ESPN: variants seen among roughly 807,000 people sequenced by gnomAD.
The protein encoded by ESPN is espin, also known as autosomal recessive deafness type 36 protein.
ESPN carries 68 observed loss-of-function variants against 77.7 expected under a neutral mutation model. The observed-to-expected ratio is 0.87, with a 90% confidence interval of 0.72 to 1.07. The LOEUF (loss-of-function observed/expected upper bound fraction) is 1.07, where lower values mean the gene tolerates loss of function less well. Among genes scored for constraint, ESPN ranks in the 50% least tolerant of loss-of-function variants. The probability of loss-of-function intolerance (pLI) is 0.00; values close to 1 mark genes in which losing one functional copy is unlikely to be tolerated. For missense variants in ESPN, 1,060 were observed against 1,239.0 expected, an observed-to-expected ratio of 0.86 and a Z score of 2.17; for synonymous variants, 449 against 567.1, an observed-to-expected ratio of 0.79 and a Z score of 2.96.
At chr1:6,455,552 G>A (rs1175739060) in intron 10 of ESPN, 2 of 398,550 alleles carry the variant, frequency 5.0e-6, no homozygotes, top group Non-Finnish European at 8.9e-6. Context: ...CGGCAAGCCC[G>A]GGCCTGGCGC....
At chr1:6,441,332 A>G (rs1391161641) in intron 5 of ESPN, among the ~76,000 whole-genome samples, 24 of 152,232 alleles carry the variant, frequency 1.6e-4, no homozygotes, top group Admixed American at 1.6e-3. Context: ...CACTGGGAAT[A>G]GGCAGGCTCA....
Position 6,440,949 on chromosome 1 carries a change from G to T in ESPN, c.874G>T (p.Val292Leu). 1 of 1,589,672 alleles carries T rather than the reference G, an allele frequency of 6.3e-7. No homozygotes were observed. The highest frequency in any genetic ancestry group is 1.1e-5 in the South Asian group (1 of 87,872). The change falls in exon 5 of 13, where the codon GTA becomes TTA. Residue 292 changes from valine to leucine, a missense_variant. Around this residue, in one of 3 missense-constraint regions of ESPN, gnomAD observed 556 missense variants for 633.6 expected, o/e 0.88. Transcript: ENST00000645284. ...GCCCCCGCAGTGCTGCCAGATCCTGGTAGTGAACGGCGCGGAGCTGGACGT... is the reference window on the plus strand; with the variant it reads ...GCCCCCGCAGTGCTGCCAGATCCTGTTAGTGAACGGCGCGGAGCTGGACGT... ...NGELECCQILVVNGAELDVRD... is the reference protein window; with the variant it reads ...NGELECCQILLVNGAELDVRD...
At chr1:6,444,109 T>C (rs1381278122) in intron 5 of ESPN, among the ~76,000 whole-genome samples, 1 of 152,206 alleles carries the variant, frequency 6.6e-6, no homozygotes, top group Non-Finnish European at 1.5e-5. Flanking sequence ...TAACTAGGGA[T>C]GGGCCTGTGC....
At chr1:6,461,363 A>C, downstream of ESPN, 1 of 1,458,764 alleles carries the variant, frequency 6.9e-7, no homozygotes, top group Non-Finnish European at 9.1e-7. The surrounding 1 kb of genome is among the most constrained non-coding windows in gnomAD (Gnocchi z 6.3). Flanking sequence ...AAATGTCTAC[A>C]CGCATAAGTA....
At chr1:6,442,034 C>T (rs1175492179) in intron 5 of ESPN, among the ~76,000 whole-genome samples, 10 of 152,168 alleles carry the variant, frequency 6.6e-5, no homozygotes, top group Non-Finnish European at 1.0e-4. Flanking sequence ...GGTATATAAG[C>T]TGGGATGGAC....
At chr1:6,454,197 G>A (rs1215543082) in intron 10 of ESPN, among the ~76,000 whole-genome samples, 1 of 152,174 alleles carries the variant, frequency 6.6e-6, no homozygotes, top group East Asian at 1.9e-4. Context: ...ACCAGCGACC[G>A]GCCGTGCCCC....
At chr1:6,434,800 T>C (rs1204949095) in intron 2 of ESPN, among the ~76,000 whole-genome samples, 1 of 152,046 alleles carries the variant, frequency 6.6e-6, no homozygotes, top group Non-Finnish European at 1.5e-5. Context: ...ATGAGCAGTT[T>C]GGTAGGAAGC....
chr1:6,452,088 A>G lies in ESPN; in HGVS notation c.2317A>G (p.Arg773Gly). The change falls in exon 10 of 13, where the codon AGG becomes GGG. Residue 773 changes from arginine to glycine, a missense_variant. This residue lies in a region of ESPN where 374 missense variants were observed against 381.4 expected (regional missense o/e 0.98). Transcript: ENST00000645284. ...GAAGATGCAGGAGGAGGAGGAGCAG[A>G]GGCGGAAGGTGGGTGGGGCGGGGTG... ...QLKMQEEEEQ[R>G]RKEEEEEARL... 6.5e-7 allele frequency: 1 copy of G among 1,545,634 alleles called. No homozygotes were observed.
chr1:6,461,112 C>T, downstream of ESPN: 1 of 573,310 alleles, frequency 1.7e-6, no homozygotes, highest in East Asian at 4.2e-5. The surrounding 1 kb of genome is among the most constrained non-coding windows in gnomAD (Gnocchi z 6.3). Flanking sequence ...AAGTCCAGTC[C>T]ACTTAACACC....
At chr1:6,430,925 G>A (rs1643220488) in intron 2 of ESPN, among the ~76,000 whole-genome samples, 1 of 152,228 alleles carries the variant, frequency 6.6e-6, no homozygotes, top group Non-Finnish European at 1.5e-5. Context: ...GGCTGATGGA[G>A]GGGAACAAGG....
intron 2 of ESPN, among the ~76,000 whole-genome samples, chr1:6,433,871 A>G (rs1023583105): frequency 1.3e-5 from 2 of 152,016 alleles, no homozygotes; most frequent in African/African-American, 4.8e-5. Flanking sequence ...AACCGCACCC[A>G]TGATGCCCAC....
At chr1:6,458,965 G>A (rs1644103778) in intron 12 of ESPN, among the ~76,000 whole-genome samples, 1 of 149,862 alleles carries the variant, frequency 6.7e-6, no homozygotes, top group Non-Finnish European at 1.5e-5. Context: ...GGCGGGCTGG[G>A]CTCGGTGGCT....
intron 10 of ESPN, chr1:6,454,651 C>T (rs568137371): frequency 2.4e-4 from 96 of 398,900 alleles, no homozygotes; most frequent in South Asian, 1.8e-3. Flanking sequence ...CTGCCCATCT[C>T]GGCCGCCCTG....
At chr1:6,452,232 T>A in intron 10 of ESPN, 136 bp downstream of exon 10, 1 of 1,087,412 alleles carries the variant, frequency 9.2e-7, no homozygotes, top group East Asian at 2.6e-5. Flanking sequence ...TGAGACAGAG[T>A]CTTGCTCTGT....
intron 10 of ESPN, chr1:6,456,232 G>C: frequency 1.0e-5 from 4 of 395,536 alleles, no homozygotes; most frequent in Non-Finnish European, 1.8e-5. Flanking sequence ...TCACCCTCGA[G>C]CGTCTTAACG....
At chr1:6,454,359 G>C (rs1180936539) in intron 10 of ESPN, 6 of 398,550 alleles carry the variant, frequency 1.5e-5, no homozygotes, top group Non-Finnish European at 1.8e-5. Flanking sequence ...CATGCAAAAG[G>C]CTCCCGGCGC....
In ESPN at chr1:6,460,248, T is replaced by C. The variant is rs1644134945; in HGVS notation, c.*102T>C. On this transcript the variant is annotated 3_prime_UTR_variant, in exon 13 of 13. Transcript: ENST00000645284. ...GGAAAGGCTGGGAGCCGCACAGCCC[T>C]CCCCTCCTGCGCTGGAAACCCTCCC... is the stretch of plus-strand genomic sequence containing the variant. The C allele has an allele frequency of 2.1e-6, 3 of 1,449,034 alleles. No homozygotes were observed. The highest frequency in any genetic ancestry group is 1.3e-5 in the South Asian group (1 of 75,020). The allele number at this position is 1,449,034 out of a possible 1,614,324, so 89.8% of individuals were successfully genotyped here. A position where few individuals can be genotyped will look rare whatever the true frequency, so the allele number is the denominator to read the frequency against.
At chr1:6,435,168 G>A (rs913698486) in intron 2 of ESPN, among the ~76,000 whole-genome samples, 12 of 152,092 alleles carry the variant, frequency 7.9e-5, no homozygotes, top group African/African-American at 2.9e-4. Context: ...GGAGGACACC[G>A]AGAGCCATAG....
In ESPN at chr1:6,460,259, G is replaced by A; in HGVS notation, c.*113G>A. 2.2e-6 allele frequency: 3 copies of A among 1,378,578 alleles called. No homozygotes were observed. The highest frequency in any genetic ancestry group is 3.0e-6 in the Non-Finnish European group (3 of 1,014,562). 85.4% of individuals were successfully genotyped at this position (1,378,578 alleles called of 1,614,324 possible). A position where few individuals can be genotyped will look rare whatever the true frequency, so the allele number is the denominator to read the frequency against. On this transcript the variant is annotated 3_prime_UTR_variant, in exon 13 of 13. Transcript: ENST00000645284. ...GAGCCGCACAGCCCTCCCCTCCTGC[G>A]CTGGAAACCCTCCCTGACCCCCACC...
Sources: gnomAD v4.1 joint callset for allele counts (sites outside exome capture counted in the v4.1 genomes callset) on GRCh38, gnomAD v4.1.1 for gene constraint, gnomAD v4.1.1 regional missense constraint, Gnocchi (gnomAD v3.1) non-coding constraint, MANE v1.5 for transcripts, NCBI Gene and HGNC (gene_info 2026-07-23, HGNC 2026-07-21) for gene names.